CCDC18: variants seen among roughly 807,000 people sequenced by gnomAD.
The protein encoded by CCDC18 is coiled-coil domain-containing protein 18.
In CCDC18, 157 loss-of-function variants were observed where a neutral mutation model predicts 196.0. The observed-to-expected ratio is 0.80, with a 90% CI of 0.70 to 0.91. The LOEUF (loss-of-function observed/expected upper bound fraction) is 0.91. Ranked by LOEUF, CCDC18 falls within the 40% of genes least tolerant of loss-of-function variation. The pLI is 0.00. For synonymous variants in CCDC18, 482 were observed against 529.2 expected (o/e 0.91, Z 1.22); for missense variants, 1,465 against 1,611.6 (o/e 0.91, Z 1.56).
chr1:93,189,018 GTTA>G (rs1651241117), intron 4 of CCDC18, among the ~76,000 whole-genome samples: 1 of 152,090 alleles, frequency 6.6e-6, no homozygotes. Context: ...GTACAATTAA[GTTA>G]TTATTGACTA....
intron 26 of CCDC18, chr1:93,262,392 C>T (rs1187762146): frequency 2.0e-5 from 3 of 152,208 alleles, no homozygotes. Flanking sequence ...TAGTTACTTC[C>T]AAGATACAAT....
At chr1:93,191,904 C>A in intron 4 of CCDC18, 96 bp from the exon 5 acceptor site, 1 of 717,294 alleles carries the variant, frequency 1.4e-6, no homozygotes, top group Non-Finnish European at 2.4e-6. Context: ...ATTTGGGAGC[C>A]CTATTGAACA....
chr1:93,264,754 A>G lies in CCDC18; in HGVS notation c.3738A>G (p.Gln1246=), dbSNP rs1201276133. 13 of 1,613,400 alleles carry G rather than the reference A, an allele frequency of 8.1e-6. No homozygotes were observed. The highest frequency in any genetic ancestry group is 9.3e-6 in the Non-Finnish European group (11 of 1,179,490). ...AGTGGAAGATTTCTGCTGACTCTCA[A>G]AAGTCTTCTGTTCAGCAACTAAACG... ...HAKWKISADS[Q]KSSVQQLNEQ... Residue 1246 remains glutamine (Q), a synonymous_variant, in exon 27 of 29, where the codon CAA becomes CAG. Coordinates refer to ENST00000690025, the MANE Select transcript of CCDC18 (RefSeq NM_001378204.1).
chr1:93,264,898 T>C lies in CCDC18; in HGVS notation c.3882T>C (p.Thr1294=). ...AAGCTGCAAATGAAGCATTACTTAC[T>C]AAAGTAAGTAAACATATAAAAGTAA... ...VIEAANEALL[T]KESELTRLQA... The change falls in exon 27 of 29, where the codon ACT becomes ACC. Residue 1294 remains threonine, a synonymous_variant. Transcript: ENST00000690025. 1 of 1,580,846 alleles carries C rather than the reference T, an allele frequency of 6.3e-7. No individual in the cohort carries two copies. The highest frequency in any genetic ancestry group is 8.7e-7 in the Non-Finnish European group (1 of 1,149,988).
intron 11 of CCDC18, 32 bp downstream of exon 11, chr1:93,212,293 A>T (rs1320549435): frequency 7.4e-7 from 1 of 1,353,330 alleles, no homozygotes; most frequent in Non-Finnish European, 9.9e-7. Context: ...AATAAATTAT[A>T]TTCAGAGTTT....
At chr1:93,233,922 C>A (rs1281562156) in intron 18 of CCDC18, among the ~76,000 whole-genome samples, 1 of 151,610 alleles carries the variant, frequency 6.6e-6, no homozygotes, top group Non-Finnish European at 1.5e-5. Flanking sequence ...GAGACATCTT[C>A]CTGTGACTCT....
At chr1:93,183,333 G>T (rs1263077385) in intron 1 of CCDC18, 27 bp from the exon 2 acceptor site, 14 of 1,481,254 alleles carry the variant, frequency 9.5e-6, no homozygotes, top group Non-Finnish European at 1.3e-5. Flanking sequence ...TTCAGACAAG[G>T]TACAAGAAAT....
chr1:93,262,659 G>A (rs530711086), intron 26 of CCDC18, among the ~76,000 whole-genome samples: 16 of 152,320 alleles, frequency 1.1e-4, no homozygotes, highest in African/African-American at 3.1e-4. Flanking sequence ...ATGGGCTGGC[G>A]TTGAGTGCCT....
intron 21 of CCDC18, among the ~76,000 whole-genome samples, chr1:93,241,558 C>G (rs1660785138): frequency 6.6e-6 from 1 of 151,734 alleles, no homozygotes; most frequent in African/African-American, 2.4e-5. Context: ...CCCATCTCTA[C>G]TAAAAATGCA....
rs752805708 is a variant in CCDC18, at chr1:93,264,824, A to G, written c.3808A>G (p.Thr1270Ala). 5 of 1,613,510 alleles carry G rather than the reference A, an allele frequency of 3.1e-6. No homozygotes were observed. The highest frequency in any genetic ancestry group is 4.2e-6 in the Non-Finnish European group (5 of 1,179,646). ...ATTGGAATTAGAAGAAGCTCAGGAT[A>G]CTGTAAGCAATTTGCATCAACAAGT... is the stretch of plus-strand genomic sequence containing the variant. Reference protein sequence around the residue: ...AKLELEEAQDTVSNLHQQVQD... With the variant: ...AKLELEEAQDAVSNLHQQVQD... Residue 1270 changes from threonine to alanine, a missense_variant, in exon 27 of 29, where the codon ACT becomes GCT. Transcript: ENST00000690025.
intron 26 of CCDC18, among the ~76,000 whole-genome samples, chr1:93,259,147 C>A (rs940326989): frequency 6.6e-6 from 1 of 152,004 alleles, no homozygotes; most frequent in Non-Finnish European, 1.5e-5. Flanking sequence ...TAACCTGTGT[C>A]TAAAATGGAT....
chr1:93,271,275 C>T (rs1665235012), intron 28 of CCDC18: 1 of 985,142 alleles, frequency 1.0e-6, no homozygotes, highest in Admixed American at 6.2e-5. Context: ...CTGAATTAGC[C>T]ATTATTTAAA....
At chr1:93,243,094 G>T (rs1477792460) in intron 21 of CCDC18, among the ~76,000 whole-genome samples, 2 of 152,188 alleles carry the variant, frequency 1.3e-5, no homozygotes, top group Non-Finnish European at 2.9e-5. Flanking sequence ...CCCCAGTGGG[G>T]ACTCTGTATG....
At chr1:93,273,996 CTG>C (rs1468562106) in intron 28 of CCDC18, among the ~76,000 whole-genome samples, 4 of 152,140 alleles carry the variant, frequency 2.6e-5, no homozygotes, top group Non-Finnish European at 4.4e-5. Context: ...TATGAGGAAA[CTG>C]AGTCCCTGCT....
chr1:93,238,529 A>G (rs1003712839), intron 19 of CCDC18, among the ~76,000 whole-genome samples: 11 of 152,162 alleles, frequency 7.2e-5, no homozygotes, highest in Non-Finnish European at 1.0e-4. Flanking sequence ...TGCAAACTCA[A>G]TTTAGAAATT....
chr1:93,254,940 GCTTTT>G (rs1235173811), intron 24 of CCDC18, among the ~76,000 whole-genome samples: 4 of 82,122 alleles, frequency 4.9e-5, no homozygotes, highest in Non-Finnish European at 7.4e-5. Flanking sequence ...TGAGGAGTCA[GCTTTT>G]TTTTTTTTTT....
intron 9 of CCDC18, among the ~76,000 whole-genome samples, chr1:93,209,223 G>A (rs538464755): frequency 8.5e-5 from 13 of 152,330 alleles, no homozygotes; most frequent in African/African-American, 2.9e-4. Flanking sequence ...CTCCCGAAAT[G>A]CTGGGATTAC....
chr1:93,208,329 T>A (rs372086281), intron 9 of CCDC18, among the ~76,000 whole-genome samples: 145 of 91,602 alleles, frequency 1.6e-3, no homozygotes, highest in African/African-American at 4.8e-3. Flanking sequence ...TTTTTCTTTT[T>A]TTTTGTTTGT....
intron 23 of CCDC18, 82 bp downstream of exon 23, chr1:93,247,036 G>A (rs1173895519): frequency 1.6e-6 from 1 of 631,266 alleles, no homozygotes; most frequent in Middle Eastern, 4.4e-4. Context: ...TCAAATAGTG[G>A]GTGTTTTTTG....
Sources: allele counts gnomAD v4.1 joint callset (sites outside exome capture counted in the v4.1 genomes callset), GRCh38; gene constraint gnomAD v4.1.1; transcripts MANE v1.5; gene names NCBI Gene and HGNC (gene_info 2026-07-23, HGNC 2026-07-21).